The following CALB2 variants were observed in gnomAD, a reference collection of about 807,000 sequenced individuals.
The protein encoded by CALB2 is calretinin.
Under a neutral mutation model 45.9 loss-of-function variants are expected in CALB2, and 34 were observed. The observed-to-expected ratio is 0.74, with a 90% CI of 0.56 to 0.99. CALB2 has a LOEUF of 0.99. CALB2 is among the 50% of genes least tolerant of loss of function. CALB2 has a pLI of 0.00. For missense variants in CALB2, 344 were observed against 339.3 expected, an observed-to-expected ratio of 1.01 and a Z score of -0.11; for synonymous variants, 142 against 129.6, an observed-to-expected ratio of 1.10 and a Z score of -0.65.
intron 1 of CALB2, among the ~76,000 whole-genome samples, chr16:71,365,983 TTC>T (rs1198294305): frequency 6.6e-6 from 1 of 150,718 alleles, no homozygotes; most frequent in African/African-American, 2.4e-5. Context: ...AGAACCAGTA[TTC>T]TTTTTTCTTT....
chr16:71,380,888 A>G (rs2042483313), intron 4 of CALB2, among the ~76,000 whole-genome samples: 1 of 152,228 alleles, frequency 6.6e-6, no homozygotes, highest in Admixed American at 6.5e-5. Flanking sequence ...GAGATTTCAC[A>G]AAGCCCAGGT....
chr16:71,378,570 A>G (rs971130228), intron 4 of CALB2, among the ~76,000 whole-genome samples: 9 of 152,126 alleles, frequency 5.9e-5, no homozygotes, highest in Admixed American at 4.6e-4. Flanking sequence ...AAAAAGGTAG[A>G]CAGACTCCCT....
intron 1 of CALB2, among the ~76,000 whole-genome samples, chr16:71,363,095 G>T (rs955219873): frequency 1.3e-5 from 2 of 151,876 alleles, no homozygotes; most frequent in Non-Finnish European, 2.9e-5. Flanking sequence ...GAGGCAGGAA[G>T]ATGGCTTGAG....
chr16:71,368,452 G>T (rs1598161595), intron 1 of CALB2, among the ~76,000 whole-genome samples: 1 of 152,176 alleles, frequency 6.6e-6, no homozygotes, highest in South Asian at 2.1e-4. Context: ...AGGCTGCACT[G>T]AGCCGTGATC....
intron 1 of CALB2, among the ~76,000 whole-genome samples, chr16:71,368,622 G>A (rs894924255): frequency 2.0e-5 from 3 of 152,208 alleles, no homozygotes; most frequent in African/African-American, 7.2e-5. Context: ...GTGGTCCTGA[G>A]CAAGTTGCTT....
chr16:71,382,587 T>C, intron 4 of CALB2, 132 bp from the exon 5 acceptor site: 1 of 814,024 alleles, frequency 1.2e-6, no homozygotes, highest in Non-Finnish European at 2.0e-6. Flanking sequence ...GGCTACATCA[T>C]CTCCATGTCT....
intron 3 of CALB2, among the ~76,000 whole-genome samples, chr16:71,377,033 T>C (rs983100162): frequency 6.6e-6 from 1 of 152,162 alleles, no homozygotes; most frequent in African/African-American, 2.4e-5. Context: ...TTCACCAACG[T>C]AGACTCATCA....
At chr16:71,379,072 T>A (rs1324323277) in intron 4 of CALB2, among the ~76,000 whole-genome samples, 1 of 151,962 alleles carries the variant, frequency 6.6e-6, no homozygotes, top group East Asian at 1.9e-4. Flanking sequence ...AGATCAGGAG[T>A]TTGAGGCCAG....
intron 1 of CALB2, among the ~76,000 whole-genome samples, chr16:71,363,486 TG>T (rs2042253559): frequency 6.6e-6 from 1 of 152,160 alleles, no homozygotes; most frequent in Non-Finnish European, 1.5e-5. Flanking sequence ...TGAAACCCAG[TG>T]ACCTGGCAGA....
rs1399506396 is a variant in CALB2 at position 71,372,189 on chromosome 16, T to G, written c.131T>G (p.Phe44Cys). The change falls in exon 2 of 11, where the codon TTT (phenylalanine) becomes TGT (cysteine). Residue 44 changes from phenylalanine to cysteine, a missense_variant. Physicochemically the swap from Phe to Cys is radical, Grantham distance 205 (BLOSUM62 -2). This residue lies in a region of CALB2 where 77 missense variants were observed against 80.5 expected (regional missense o/e 0.96). Transcript: ENST00000302628. ...GYIEGKELENFFQELEKARKG... is the reference protein window; with the variant it reads ...GYIEGKELENCFQELEKARKG... ...ATTGAAGGTAAAGAGCTAGAAAACT[T>G]TTTCCAAGAGCTGGAGAAGGCAAGG... The G allele has an allele frequency of 1.9e-6, 3 of 1,612,868 alleles. No individual in the cohort carries two copies. Among genetic ancestry groups the G allele is most frequent in the Non-Finnish European group, 2.5e-6 (3 of 1,179,404 alleles).
At chr16:71,389,115 G>C (rs1004748196) in intron 10 of CALB2, among the ~76,000 whole-genome samples, 9 of 152,088 alleles carry the variant, frequency 5.9e-5, no homozygotes, top group Non-Finnish European at 1.3e-4. Context: ...TTGAACCCGG[G>C]AGGCAGAGGT....
intron 2 of CALB2, 28 bp downstream of exon 2, chr16:71,372,257 TG>T: frequency 1.9e-6 from 3 of 1,570,938 alleles, no homozygotes; most frequent in Non-Finnish European, 2.6e-6. Context: ...TCCGATTGTG[TG>T]GGATTTTCCT....
intron 2 of CALB2, among the ~76,000 whole-genome samples, chr16:71,373,897 C>T (rs2042381074): frequency 6.6e-6 from 1 of 152,116 alleles, no homozygotes; most frequent in African/African-American, 2.4e-5. Flanking sequence ...AAGTAAAAAG[C>T]AATCAGAGGG....
intron 7 of CALB2, 83 bp from the exon 8 acceptor site, chr16:71,384,256 C>A: frequency 8.5e-7 from 1 of 1,176,154 alleles, no homozygotes; most frequent in Non-Finnish European, 1.3e-6. Context: ...TCTGTAACTG[C>A]AGGCACCGCC....
At chr16:71,378,721 G>A (rs893059692) in intron 4 of CALB2, among the ~76,000 whole-genome samples, 1 of 152,188 alleles carries the variant, frequency 6.6e-6, no homozygotes, top group African/African-American at 2.4e-5. Context: ...CTCATGTGGG[G>A]ATTTGTTGTG....
chr16:71,368,038 G>C (rs554919147), intron 1 of CALB2, among the ~76,000 whole-genome samples: 1 of 152,106 alleles, frequency 6.6e-6, no homozygotes, highest in Non-Finnish European at 1.5e-5. Context: ...CCTGGAAGTC[G>C]ATCTCTACTC....
At chr16:71,379,266 C>T (rs1269316350) in intron 4 of CALB2, among the ~76,000 whole-genome samples, 1 of 142,952 alleles carries the variant, frequency 7.0e-6, no homozygotes, top group African/African-American at 2.6e-5. Context: ...GACAAAGACT[C>T]TGTCTAATAA....
At chr16:71,377,768 T>G in intron 4 of CALB2, 21 bp downstream of exon 4, 2 of 1,585,518 alleles carry the variant, frequency 1.3e-6, no homozygotes, top group Non-Finnish European at 1.7e-6. Context: ...GGCACCACCT[T>G]CTTTCTAAGC....
rs2042282827 is a variant in CALB2 at position 71,366,022 on chromosome 16, CTCTTTTTTTTTTT to C, written c.95-6129_95-6117del. Among the ~76,000 whole-genome samples the C allele has an allele frequency of 4.0e-5, 2 of 50,552 alleles. 1 individual carries two copies. Among genetic ancestry groups the C allele is most frequent in the Non-Finnish European group, 6.8e-5 (2 of 29,282 alleles). The allele number at this position is 50,552 out of a possible 152,430, so 33.2% of individuals were successfully genotyped here. Reference sequence around the variant, plus strand: ...TTTCTTTGTTTTCTTCCCTCTCTCTCTCTTTTTTTTTTTTTTTTTTTTGAGATGGAGTCTCACT... The same window carrying C: ...TTTCTTTGTTTTCTTCCCTCTCTCTCTTTTTTTTTGAGATGGAGTCTCACT... On this transcript the variant is annotated intron_variant, in intron 1 of 10. Transcript: ENST00000302628.
Sources: allele counts gnomAD v4.1 joint callset (sites outside exome capture counted in the v4.1 genomes callset), GRCh38; gene constraint gnomAD v4.1.1; regional missense constraint gnomAD v4.1.1; transcripts MANE v1.5; gene names NCBI Gene and HGNC (gene_info 2026-07-23, HGNC 2026-07-21).